Variants in EHHADH observed in about 807,000 individuals in gnomAD.
EHHADH encodes enoyl-CoA hydratase and 3-hydroxyacyl CoA dehydrogenase.
In EHHADH, 48 loss-of-function variants were observed where a neutral mutation model predicts 64.4. The ratio of observed to expected loss-of-function variants is 0.75; its 90% CI spans 0.59 to 0.95. The LOEUF (loss-of-function observed/expected upper bound fraction) is 0.95, where lower values mean the gene tolerates loss of function less well. Among genes scored for constraint, EHHADH ranks in the 40% least tolerant of loss-of-function variants. The pLI, the probability that EHHADH is intolerant of heterozygous loss-of-function variation, is 0.00. For synonymous variants in EHHADH, 308 were observed against 326.7 expected, an observed-to-expected ratio of 0.94 and a Z score of 0.62; for missense variants, 854 against 876.6, an observed-to-expected ratio of 0.97 and a Z score of 0.33.
chr3:185,239,409 G>C (rs2377374), intron 2 of EHHADH, among the ~76,000 whole-genome samples: 102,072 of 152,052 alleles, frequency 0.67, 36,080 homozygotes, highest in Non-Finnish European at 0.79. Flanking sequence ...TTCTTTCAAT[G>C]CATGAGCATG....
Position 185,190,679 on chromosome 3 carries a change from T to C in EHHADH, c.*1547A>G, listed in dbSNP as rs537923906. On this transcript the variant is annotated 3_prime_UTR_variant, in exon 7 of 7. Transcript: ENST00000231887. ...GTCTTTAATTTCACAAACCAAATTA[T>C]ATAAAATTAAGTAGTACACATTTCA... is the stretch of plus-strand genomic sequence containing the variant. 4.6e-5 allele frequency: 7 copies of C among 152,328 alleles called. No homozygotes were observed. Among genetic ancestry groups the C allele is most frequent in the Admixed American group, 3.3e-4 (5 of 15,306 alleles). 9.4% of individuals were successfully genotyped at this position (152,328 alleles called of 1,614,324 possible). A position where few individuals can be genotyped will look rare whatever the true frequency, so the allele number is the denominator to read the frequency against.
Position 185,196,485 on chromosome 3 carries a change from C to G in EHHADH, c.911-2998G>C, listed in dbSNP as rs527314875. 3.3e-5 allele frequency among the ~76,000 whole-genome samples: 5 copies of G among 152,018 alleles called. No homozygotes were observed. The East Asian group carries it at 9.7e-4, about 29-fold the overall frequency. ...TGAAGCCCCATCTCTACTAAAAATACAAAAATTAGCTGGACGTGGTGGTGC... is the reference window on the plus strand; with the variant it reads ...TGAAGCCCCATCTCTACTAAAAATAGAAAAATTAGCTGGACGTGGTGGTGC... On this transcript the variant is annotated intron_variant, in intron 6 of 6. Coordinates refer to ENST00000231887, the MANE Select transcript of EHHADH (RefSeq NM_001966.4).
intron 4 of EHHADH, 120 bp downstream of exon 4, chr3:185,229,312 A>G (rs1005172924): frequency 1.5e-5 from 7 of 465,092 alleles, no homozygotes; most frequent in African/African-American, 6.0e-5. Flanking sequence ...CGAGAGGCCA[A>G]GAAGTTCAAG....
At chr3:185,209,512 A>C (rs1352532631) in intron 5 of EHHADH, among the ~76,000 whole-genome samples, 2 of 152,190 alleles carry the variant, frequency 1.3e-5, no homozygotes, top group African/African-American at 4.8e-5. Context: ...TGTACATCTT[A>C]GTTATTTAGA....
intron 5 of EHHADH, among the ~76,000 whole-genome samples, chr3:185,217,533 G>A (rs1458584820): frequency 1.5e-5 from 2 of 133,594 alleles, no homozygotes; most frequent in East Asian, 2.2e-4. Flanking sequence ...GCAACAGAGC[G>A]GGACTCTGTC....
At chr3:185,210,634 CAA>C (rs34709334) in intron 5 of EHHADH, among the ~76,000 whole-genome samples, 47 of 83,184 alleles carry the variant, frequency 5.7e-4, no homozygotes, top group Admixed American at 1.0e-3. Context: ...GACTCTGTCT[CAA>C]AAAAAAAAAA....
intron 2 of EHHADH, among the ~76,000 whole-genome samples, chr3:185,237,979 C>T (rs1402035796): frequency 6.6e-6 from 1 of 152,096 alleles, no homozygotes; most frequent in Non-Finnish European, 1.5e-5. Context: ...GTTTAGCTCC[C>T]CCTTTTTTTC....
intron 2 of EHHADH, among the ~76,000 whole-genome samples, chr3:185,236,729 T>C (rs1444931990): frequency 1.3e-5 from 2 of 152,206 alleles, no homozygotes; most frequent in African/African-American, 2.4e-5. Context: ...GTGTTTTGTT[T>C]CGTGTTTTCA....
intron 5 of EHHADH, among the ~76,000 whole-genome samples, chr3:185,205,669 A>G (rs1385475528): frequency 2.0e-5 from 3 of 152,200 alleles, no homozygotes; most frequent in Admixed American, 6.5e-5. Flanking sequence ...AATATTCACA[A>G]TCTGCTCAGT....
chr3:185,204,613 T>A lies in EHHADH; in HGVS notation c.713A>T (p.Gln238Leu), dbSNP rs200753408. 195 of 1,614,250 alleles carry A rather than the reference T, an allele frequency of 1.2e-4. 1 individual carries two copies. In the East Asian group the frequency reaches 3.6e-3, roughly 30 times the overall value. Residue 238 changes from glutamine (Q) to leucine (L), a missense_variant, in exon 6 of 7, where the codon CAG (glutamine) becomes CTG (leucine). Transcript: ENST00000231887. Reference protein sequence around the residue: ...LAQEACVRAVQAAVQYPYEVG... With the variant: ...LAQEACVRAVLAAVQYPYEVG... The stretch of plus-strand genomic sequence containing the variant: ...TTCATAGGGATACTGCACAGCAGCC[T>A]GGACTGCACGGACACAAGCCTCCTG...
chr3:185,226,664 A>AAAAG lies in EHHADH; in HGVS notation c.463+2764_463+2767dup, dbSNP rs1553778530. Among the ~76,000 whole-genome samples, 70 of 135,768 alleles carry AAAAG rather than the reference A, an allele frequency of 5.2e-4. 6 individuals are homozygous for AAAAG. Among genetic ancestry groups the AAAAG allele is most frequent in the Non-Finnish European group, 6.0e-4 (38 of 63,342 alleles). The allele number at this position is 135,768 out of a possible 152,430, so 89.1% of individuals were successfully genotyped here. A position where few individuals can be genotyped will look rare whatever the true frequency, so the allele number is the denominator to read the frequency against. On this transcript the variant is annotated intron_variant, in intron 4 of 6. Coordinates refer to ENST00000231887, the MANE Select transcript of EHHADH (RefSeq NM_001966.4). Reference sequence around the variant, plus strand: ...AACTCCATCTCCAAAAAAAAAAAAAAAAAGAAAGAAAGAAAGAAAGTAGAT... The same window carrying AAAAG: ...AACTCCATCTCCAAAAAAAAAAAAAAAAAGAAAGAAAGAAAGAAAGAAAGTAGAT...
Position 185,253,994 on chromosome 3 carries a change from G to C in EHHADH, c.29C>G (p.Ala10Gly), listed in dbSNP as rs1719827421. ...GTTTCGGAGGCGGATTAGCGCCAAG[G>C]CGTTGTGCAGCCGCGTATACTCGGC... MAEYTRLHN[A>G]LALIRLRNPP... The change falls in exon 1 of 7, where the codon GCC (alanine) becomes GGC (glycine). Residue 10 changes from alanine (A) to glycine (G), a missense_variant. Coordinates refer to ENST00000231887, the MANE Select transcript of EHHADH (RefSeq NM_001966.4). 1 of 1,613,978 alleles carries C rather than the reference G, an allele frequency of 6.2e-7. No individual in the cohort carries two copies. Among genetic ancestry groups the C allele is most frequent in the South Asian group, 1.1e-5 (1 of 91,070 alleles).
chr3:185,244,698 T>C (rs1577377025), intron 2 of EHHADH, among the ~76,000 whole-genome samples: 1 of 152,134 alleles, frequency 6.6e-6, no homozygotes, highest in African/African-American at 2.4e-5. Flanking sequence ...GTGATTAAAG[T>C]GAGACTGGAG....
intron 4 of EHHADH, among the ~76,000 whole-genome samples, chr3:185,220,889 T>A (rs1174121114): frequency 6.6e-6 from 1 of 152,236 alleles, no homozygotes; most frequent in African/African-American, 2.4e-5. Flanking sequence ...CCAAATGTCA[T>A]ATTCAAGTTT....
chr3:185,224,566 T>C (rs981352057), intron 4 of EHHADH, among the ~76,000 whole-genome samples: 10 of 145,908 alleles, frequency 6.9e-5, no homozygotes, highest in Middle Eastern at 3.5e-3. Context: ...GGATTCTGAA[T>C]ATCGTGATTA....
At chr3:185,198,557 G>A (rs930791212) in intron 6 of EHHADH, among the ~76,000 whole-genome samples, 1 of 151,404 alleles carries the variant, frequency 6.6e-6, no homozygotes, top group Non-Finnish European at 1.5e-5. Context: ...GCTTTTAAAG[G>A]GTGAATTTTG....
Position 185,192,789 on chromosome 3 carries a change from G to T in EHHADH, c.1609C>A (p.Gln537Lys), listed in dbSNP as rs1717936888. The change falls in exon 7 of 7, where the codon CAA (glutamine) becomes AAA (lysine). Residue 537 changes from glutamine (Q) to lysine (K), a missense_variant. By Grantham distance (53) the Gln-to-Lys change is moderately conservative. Transcript: ENST00000231887. ...AGCAATGTAGGTCCAGTAAGACCTTGCCCCTTTCTAGATTTCCAGCCCACA... is the reference window on the plus strand; with the variant it reads ...AGCAATGTAGGTCCAGTAAGACCTTTCCCCTTTCTAGATTTCCAGCCCACA... ...LDVGWKSRKG[Q>K]GLTGPTLLPG... 2 of 1,613,896 alleles carry T rather than the reference G, an allele frequency of 1.2e-6. No homozygotes were observed. The highest frequency in any genetic ancestry group is 1.1e-5 in the South Asian group (1 of 91,088).
intron 6 of EHHADH, 21 bp from the exon 7 acceptor site, chr3:185,193,508 A>C (rs373537383): frequency 4.1e-5 from 66 of 1,609,240 alleles, no homozygotes; most frequent in Non-Finnish European, 5.4e-5. Context: ...AAATCAAAGG[A>C]GAAAAAGAAT....
At chr3:185,199,192 G>C (rs541633611) in intron 6 of EHHADH, among the ~76,000 whole-genome samples, 14 of 152,128 alleles carry the variant, frequency 9.2e-5, no homozygotes, top group Non-Finnish European at 1.9e-4. Flanking sequence ...GGTCGAGGAA[G>C]GGAAAAACAT....
Sources: allele counts gnomAD v4.1 joint callset (sites outside exome capture counted in the v4.1 genomes callset), GRCh38; gene constraint gnomAD v4.1.1; transcripts MANE v1.5; gene names NCBI Gene and HGNC (gene_info 2026-07-23, HGNC 2026-07-21).